The following SMYD3 variants were observed in gnomAD, a reference collection of about 807,000 sequenced individuals.
The protein encoded by SMYD3 is SET and MYND domain containing 3, also known as histone-lysine N-methyltransferase SMYD3.
SMYD3 carries 36 observed loss-of-function variants against 57.7 expected under a neutral mutation model. The ratio of observed to expected loss-of-function variants is 0.62; its 90% CI spans 0.48 to 0.82. The LOEUF (loss-of-function observed/expected upper bound fraction) is 0.82, where lower values mean the gene tolerates loss of function less well. Among genes scored for constraint, SMYD3 ranks in the 40% least tolerant of loss-of-function variants. The pLI, the probability that SMYD3 is intolerant of heterozygous loss-of-function variation, is 0.00. For missense variants in SMYD3, 515 were observed against 538.8 expected, an observed-to-expected ratio of 0.96 and a Z score of 0.44; for synonymous variants, 211 against 195.0, an observed-to-expected ratio of 1.08 and a Z score of -0.68.
chr1:245,896,147 C>T (rs912016613), intron 8 of SMYD3, among the ~76,000 whole-genome samples: 5 of 152,120 alleles, frequency 3.3e-5, no homozygotes, highest in African/African-American at 4.8e-5. Context: ...GCTCCACAGA[C>T]GGCTGACACT....
intron 5 of SMYD3, among the ~76,000 whole-genome samples, chr1:246,269,665 C>A (rs2064181788): frequency 6.6e-6 from 1 of 151,678 alleles, no homozygotes; most frequent in Non-Finnish European, 1.5e-5. Flanking sequence ...ACCTCCCGAG[C>A]CCAAGCAATC....
At chr1:246,168,206 C>T (rs2062255617) in intron 5 of SMYD3, among the ~76,000 whole-genome samples, 1 of 152,064 alleles carries the variant, frequency 6.6e-6, no homozygotes, top group Non-Finnish European at 1.5e-5. Flanking sequence ...GCATGTGACA[C>T]ATAGAAAAGC....
chr1:246,427,784 G>C (rs956473301), intron 1 of SMYD3, among the ~76,000 whole-genome samples: 3 of 152,108 alleles, frequency 2.0e-5, no homozygotes, highest in African/African-American at 7.2e-5. Context: ...AGCCCAGGAG[G>C]TTGAGGCTGC....
intron 5 of SMYD3, among the ~76,000 whole-genome samples, chr1:245,934,878 C>A (rs968902317): frequency 2.6e-5 from 4 of 152,172 alleles, no homozygotes; most frequent in African/African-American, 9.7e-5. Context: ...GGGACAAAGG[C>A]CCATGCTCAC....
intron 5 of SMYD3, among the ~76,000 whole-genome samples, chr1:245,933,560 G>A (rs990981684): frequency 6.6e-6 from 1 of 152,138 alleles, no homozygotes; most frequent in Non-Finnish European, 1.5e-5. Flanking sequence ...AACAACTACA[G>A]TGAAACTTAA....
At chr1:246,194,958 T>C (rs2148341241) in intron 5 of SMYD3, among the ~76,000 whole-genome samples, 1 of 152,346 alleles carries the variant, frequency 6.6e-6, no homozygotes, top group Admixed American at 6.5e-5. Context: ...GTGTGTTCTC[T>C]TGTACCTGCA....
At chr1:245,750,209 G>C (rs1171990104) in intron 11 of SMYD3, among the ~76,000 whole-genome samples, 2 of 152,072 alleles carry the variant, frequency 1.3e-5, no homozygotes. Context: ...TCTGAAATCT[G>C]TGTGGGCTTA....
chr1:246,354,971 G>A (rs1422185890), intron 2 of SMYD3, 60 bp downstream of exon 2: 1 of 1,504,620 alleles, frequency 6.6e-7, no homozygotes, highest in Non-Finnish European at 9.2e-7. Context: ...GTATAGTGAA[G>A]GACAAATTTA....
chr1:246,267,364 A>G lies in SMYD3; in HGVS notation c.531+59837T>C, dbSNP rs185320924. Among the ~76,000 whole-genome samples, 174 of 152,348 alleles carry G rather than the reference A, an allele frequency of 1.1e-3. 1 individual carries two copies. Among genetic ancestry groups the G allele is most frequent in the African/African-American group, 3.9e-3 (161 of 41,580 alleles). Reference sequence around the variant, plus strand: ...ATATTCTGGGCCCAATTTTAAAAGTAGAAAAAAAATGGTATTATTTTATGG... The same window carrying G: ...ATATTCTGGGCCCAATTTTAAAAGTGGAAAAAAAATGGTATTATTTTATGG... On this transcript the variant is annotated intron_variant, in intron 5 of 11. Coordinates refer to ENST00000490107, the MANE Select transcript of SMYD3 (RefSeq NM_001167740.2).
chr1:246,227,274 A>G (rs193274470), intron 5 of SMYD3, among the ~76,000 whole-genome samples: 40 of 152,282 alleles, frequency 2.6e-4, no homozygotes, highest in African/African-American at 9.4e-4. Context: ...CTGCCCGTTT[A>G]TGCTTTAATT....
At chr1:246,317,423 G>T (rs1197829772) in intron 5 of SMYD3, among the ~76,000 whole-genome samples, 2 of 152,236 alleles carry the variant, frequency 1.3e-5, no homozygotes, top group Non-Finnish European at 2.9e-5. Context: ...AGGCCCAGAG[G>T]CCAAATCTGG....
chr1:245,951,569 A>T (rs1401300236), intron 5 of SMYD3, among the ~76,000 whole-genome samples: 1 of 73,360 alleles, frequency 1.4e-5, no homozygotes, highest in Non-Finnish European at 2.2e-5. Context: ...GCTCTCTCTC[A>T]AAAAAAAAAA....
At chr1:245,926,567 A>C (rs921245724) in intron 7 of SMYD3, among the ~76,000 whole-genome samples, 2 of 152,206 alleles carry the variant, frequency 1.3e-5, no homozygotes, top group African/African-American at 4.8e-5. Flanking sequence ...GAAAGATGTG[A>C]AAAAGTGAAA....
At chr1:246,000,432 T>C (rs1162790921) in intron 5 of SMYD3, among the ~76,000 whole-genome samples, 1 of 152,176 alleles carries the variant, frequency 6.6e-6, no homozygotes, top group Non-Finnish European at 1.5e-5. Flanking sequence ...CTTCCTTCCC[T>C]TCTCTCCCAC....
chr1:245,911,592 G>A (rs2054992275), intron 8 of SMYD3, among the ~76,000 whole-genome samples: 2 of 151,978 alleles, frequency 1.3e-5, no homozygotes, highest in South Asian at 2.1e-4. Flanking sequence ...TAGCAACATG[G>A]ATGGAACTTA....
At chr1:246,285,869 C>T (rs1328354758) in intron 5 of SMYD3, among the ~76,000 whole-genome samples, 1 of 152,000 alleles carries the variant, frequency 6.6e-6, no homozygotes, top group Non-Finnish European at 1.5e-5. Flanking sequence ...TATAAATGGC[C>T]AGCAAACATA....
chr1:246,278,436 T>C (rs1427844580), intron 5 of SMYD3, among the ~76,000 whole-genome samples: 1 of 152,106 alleles, frequency 6.6e-6, no homozygotes, highest in Non-Finnish European at 1.5e-5. Flanking sequence ...TTCATAAAAC[T>C]CCATCTTGCC....
intron 5 of SMYD3, among the ~76,000 whole-genome samples, chr1:246,285,230 C>G (rs1183306481): frequency 6.6e-6 from 1 of 152,170 alleles, no homozygotes; most frequent in Non-Finnish European, 1.5e-5. Context: ...TTTTCCATTC[C>G]TCAGTTACTT....
intron 1 of SMYD3, among the ~76,000 whole-genome samples, chr1:246,357,902 TA>T (rs976071884): frequency 2.0e-5 from 3 of 151,168 alleles, no homozygotes; most frequent in Non-Finnish European, 4.4e-5. Context: ...AATAACACAA[TA>T]AAAAAAACAC....
Sources: gnomAD v4.1 joint callset for allele counts (sites outside exome capture counted in the v4.1 genomes callset) on GRCh38, gnomAD v4.1.1 for gene constraint, MANE v1.5 for transcripts, NCBI Gene and HGNC (gene_info 2026-07-23, HGNC 2026-07-21) for gene names.